SRP68: variants seen among roughly 807,000 people sequenced by gnomAD.
SRP68 encodes signal recognition particle subunit SRP68.
In SRP68, 15 loss-of-function variants were observed where a neutral mutation model predicts 82.2. That is an observed-to-expected ratio of 0.18 (90% CI 0.12 to 0.28). The LOEUF (loss-of-function observed/expected upper bound fraction) is 0.28, where lower values mean the gene tolerates loss of function less well. SRP68 is among the 10% of genes least tolerant of loss of function. The pLI is 1.00. For missense variants in SRP68, 595 were observed against 780.5 expected (o/e 0.76, Z 2.83); for synonymous variants, 261 against 292.6 (o/e 0.89, Z 1.10).
At chr17:76,046,305 G>T in intron 10 of SRP68, 111 bp from the exon 11 acceptor site, 1 of 1,254,822 alleles carries the variant, frequency 8.0e-7, no homozygotes, top group Non-Finnish European at 1.1e-6. Flanking sequence ...GGGTGGGGGC[G>T]TGGCCACAGC....
Position 76,072,261 on chromosome 17 carries a change from G to C in SRP68, c.184+47C>G. On this transcript the variant is annotated intron_variant, in intron 1 of 15. Transcript: ENST00000307877. The surrounding 1 kb of genome is among the most constrained non-coding windows in gnomAD (Gnocchi z 4.5). ...CGCCTCTCCCGCCCCCAGCCCTCCA[G>C]TTCGACACGTAATCATTGCGAGTTA... The C allele has an allele frequency of 6.2e-7, 1 of 1,603,538 alleles. No individual in the cohort carries two copies. The highest frequency in any genetic ancestry group is 8.5e-7 in the Non-Finnish European group (1 of 1,176,818).
At chr17:76,070,488 AAC>A in intron 1 of SRP68, 44 bp from the exon 2 acceptor site, 1 of 1,493,894 alleles carries the variant, frequency 6.7e-7, no homozygotes, top group Non-Finnish European at 9.3e-7. Context: ...CAAGAATCCA[AAC>A]AAATCAAAAC....
chr17:76,063,073 G>C (rs2066781651), intron 4 of SRP68, among the ~76,000 whole-genome samples: 1 of 151,588 alleles, frequency 6.6e-6, no homozygotes, highest in African/African-American at 2.4e-5. Context: ...CCCGGCCTAA[G>C]AATATAGATA....
At position 76,071,978 on chromosome 17, in the gene SRP68, G is replaced by A. The variant is rs2066856345; in HGVS notation, c.184+330C>T. The A allele has an allele frequency of 4.5e-6, 2 of 444,114 alleles. No homozygotes were observed. The highest frequency in any genetic ancestry group is 4.0e-6 in the Non-Finnish European group (1 of 249,278). The allele number at this position is 444,114 out of a possible 1,614,324, so 27.5% of individuals were successfully genotyped here. On this transcript the variant is annotated intron_variant, in intron 1 of 15. Transcript: ENST00000307877. The surrounding 1 kb of genome is among the most constrained non-coding windows in gnomAD (Gnocchi z 4.7). ...TGCAGTTTCCTCTCCCCAGTTCAGTGGCTCAAGGTGCCAAAGCAAGGTGCT... is the reference window on the plus strand; with the variant it reads ...TGCAGTTTCCTCTCCCCAGTTCAGTAGCTCAAGGTGCCAAAGCAAGGTGCT...
chr17:76,053,560 G>C, intron 8 of SRP68: 1 of 985,274 alleles, frequency 1.0e-6, no homozygotes, highest in Non-Finnish European at 1.2e-6. Flanking sequence ...CTGCATCAAG[G>C]TGCTGAAACC....
At chr17:76,048,830 A>G (rs767516917) in intron 9 of SRP68, 5 of 152,236 alleles carry the variant, frequency 3.3e-5, no homozygotes, top group Admixed American at 6.5e-5. Context: ...CATTCCTTAC[A>G]TTCTGTGAGG....
intron 8 of SRP68, among the ~76,000 whole-genome samples, chr17:76,056,455 T>C (rs2066714354): frequency 1.3e-5 from 2 of 152,232 alleles, no homozygotes; most frequent in Non-Finnish European, 2.9e-5. Context: ...AGCCTTTCAG[T>C]TTAAGCAAAA....
In SRP68 at chr17:76,039,659, T is replaced by C. The variant is rs1461322944; in HGVS notation, c.*47A>G. ...GGAACTTGCTGGGATTTTCTCACAA[T>C]ACAGATTAAGAGTCAGAATCTCCCC... is the stretch of plus-strand genomic sequence containing the variant. On this transcript the variant is annotated 3_prime_UTR_variant, in exon 16 of 16. Transcript: ENST00000307877. 1.9e-6 allele frequency: 3 copies of C among 1,567,834 alleles called. No individual in the cohort carries two copies. The highest frequency in any genetic ancestry group is 2.6e-6 in the Non-Finnish European group (3 of 1,142,972).
intron 9 of SRP68, chr17:76,048,380 T>C (rs2066646928): frequency 6.5e-6 from 1 of 152,838 alleles, no homozygotes; most frequent in Non-Finnish European, 1.5e-5. Flanking sequence ...GAGCTGTCTA[T>C]ATGCTAGCCT....
chr17:76,041,892 CT>C (rs370234712), intron 13 of SRP68, among the ~76,000 whole-genome samples: 11 of 149,714 alleles, frequency 7.3e-5, no homozygotes, highest in Admixed American at 2.7e-4. Context: ...CCTTTGCTTG[CT>C]TTTTTTTTTC....
intron 4 of SRP68, among the ~76,000 whole-genome samples, chr17:76,063,071 A>C (rs1177344456): frequency 6.6e-6 from 1 of 151,834 alleles, no homozygotes; most frequent in Non-Finnish European, 1.5e-5. Context: ...CGCCCGGCCT[A>C]AGAATATAGA....
At chr17:76,049,140 G>C (rs1164022844) in intron 9 of SRP68, 1 of 152,236 alleles carries the variant, frequency 6.6e-6, no homozygotes, top group Admixed American at 6.5e-5. Flanking sequence ...GGTGATGGTT[G>C]TACGTTATGA....
In SRP68 at chr17:76,043,841, C is replaced by T. The variant is rs2066609661; in HGVS notation, c.1512G>A (p.Lys504=). Residue 504 remains lysine, a synonymous_variant, in exon 13 of 16, where the codon AAG becomes AAA. Coordinates refer to ENST00000307877, the MANE Select transcript of SRP68 (RefSeq NM_014230.4). ...GCCAACCTCTCACCTTTAGGCTGTT[C>T]TTGAAGGCGCCAGCATCAGAATTTA... ...NEVNSDAGAF[K]NSLKDLPDVQ... The T allele has an allele frequency of 6.2e-7, 1 of 1,603,292 alleles. No homozygotes were observed. The highest frequency in any genetic ancestry group is 1.3e-5 in the African/African-American group (1 of 74,088).
intron 15 of SRP68, 30 bp from the exon 16 acceptor site, chr17:76,039,963 GC>G: frequency 6.2e-7 from 1 of 1,606,448 alleles, no homozygotes; most frequent in Non-Finnish European, 8.5e-7. Context: ...GACGTATGTA[GC>G]ATCGGTCACA....
At chr17:76,040,836 G>T in intron 14 of SRP68, 67 bp downstream of exon 14, 2 of 1,408,332 alleles carry the variant, frequency 1.4e-6, no homozygotes, top group Non-Finnish European at 2.0e-6. Context: ...GTAGTATGGG[G>T]TGTGACAGAG....
rs7219845 is a variant in SRP68, at chr17:76,057,665, G to C, written c.838-122C>G. The C allele has an allele frequency of 1.1e-3, 1,193 of 1,088,840 alleles. 13 individuals carry two copies. The African/African-American group carries it at 0.017, about 15-fold the overall frequency. The allele number at this position is 1,088,840 out of a possible 1,614,324, so 67.4% of individuals were successfully genotyped here. On this transcript the variant is annotated intron_variant, in intron 7 of 15. Transcript: ENST00000307877. ...AACATATTATACTCCATAGAAAGTA[G>C]AGTATACACCAATTTCTTTCATTTT...
intron 8 of SRP68, among the ~76,000 whole-genome samples, chr17:76,055,806 TC>T (rs2066709588): frequency 3.0e-5 from 4 of 133,236 alleles, no homozygotes; most frequent in East Asian, 2.2e-4. Flanking sequence ...TTTTTTTTCT[TC>T]TTTTTTTTTT....
In SRP68 at chr17:76,046,064, T is replaced by A. The variant is rs1313661999; in HGVS notation, c.1273A>T (p.Ile425Phe). ...TGTAAGATGATGTCATAGAGTCGGATCAGGTCCTGGGGCCGGGGTGAGCGC... is the reference window on the plus strand; with the variant it reads ...TGTAAGATGATGTCATAGAGTCGGAACAGGTCCTGGGGCCGGGGTGAGCGC... ...SKRSPRPQDL[I>F]RLYDIILQNL... The change falls in exon 11 of 16, where the codon ATC (isoleucine) becomes TTC (phenylalanine). Residue 425 changes from isoleucine to phenylalanine, a missense_variant. Ile to Phe is a conservative substitution (Grantham distance 21). Transcript: ENST00000307877. 6.2e-7 allele frequency: 1 copy of A among 1,613,772 alleles called. No individual in the cohort carries two copies. The highest frequency in any genetic ancestry group is 8.5e-7 in the Non-Finnish European group (1 of 1,179,870).
intron 7 of SRP68, among the ~76,000 whole-genome samples, chr17:76,058,864 C>A (rs1322135337): frequency 6.6e-6 from 1 of 152,138 alleles, no homozygotes; most frequent in Admixed American, 6.5e-5. Context: ...ATACTGTTTA[C>A]CACTTAATGA....
Sources: gnomAD v4.1 joint callset for allele counts (sites outside exome capture counted in the v4.1 genomes callset) on GRCh38, gnomAD v4.1.1 for gene constraint, Gnocchi (gnomAD v3.1) non-coding constraint, MANE v1.5 for transcripts, NCBI Gene and HGNC (gene_info 2026-07-23, HGNC 2026-07-21) for gene names.